The following HFM1 variants were observed in gnomAD, a reference collection of about 807,000 sequenced individuals.
The protein encoded by HFM1 is probable ATP-dependent DNA helicase HFM1.
Under a neutral mutation model 192.1 loss-of-function variants are expected in HFM1, and 169 were observed. The observed-to-expected ratio is 0.88, with a 90% CI of 0.78 to 1.00. HFM1 has a LOEUF of 1.00. Among genes scored for constraint, HFM1 ranks in the 50% least tolerant of loss-of-function variants. The pLI is 0.00. For synonymous variants in HFM1, 525 were observed against 537.8 expected (o/e 0.98, Z 0.33); for missense variants, 1,661 against 1,668.0 (o/e 1.00, Z 0.07).
rs1296434498 is a variant in HFM1, at chr1:91,343,439, T to G, written c.2326A>C (p.Lys776Gln). Reference sequence around the variant, plus strand: ...AATGATAAGAAATTACCAGTTGGTTTGAAATTAACACCTTCATCCATCTTT... The same window carrying G: ...AATGATAAGAAATTACCAGTTGGTTGGAAATTAACACCTTCATCCATCTTT... Reference protein sequence around the residue: ...LIKMDEGVNFKPTEAGRLMAW... With the variant: ...LIKMDEGVNFQPTEAGRLMAW... The change falls in exon 20 of 39, where the codon AAA (lysine) becomes CAA (glutamine). Residue 776 changes from lysine to glutamine, a missense_variant. Transcript: ENST00000370425. The G allele has an allele frequency of 7.2e-7, 1 of 1,393,676 alleles. No individual in the cohort carries two copies. Among genetic ancestry groups the G allele is most frequent in the East Asian group, 2.4e-5 (1 of 41,284 alleles). The allele number at this position is 1,393,676 out of a possible 1,614,324, so 86.3% of individuals were successfully genotyped here. A position where few individuals can be genotyped will look rare whatever the true frequency, so the allele number is the denominator to read the frequency against.
chr1:91,298,213 T>C (rs1279484133), intron 30 of HFM1, among the ~76,000 whole-genome samples: 4 of 151,922 alleles, frequency 2.6e-5, no homozygotes, highest in African/African-American at 9.7e-5. Flanking sequence ...ATTCATGAAA[T>C]GAAGCGAGAA....
At chr1:91,303,538 T>C (rs115184821) in intron 30 of HFM1, among the ~76,000 whole-genome samples, 1,916 of 152,332 alleles carry the variant, frequency 0.013, 44 homozygotes, top group African/African-American at 0.042. Context: ...AGGAGTACAA[T>C]TGCTGTATCA....
At chr1:91,329,274 G>A (rs778275453) in intron 20 of HFM1, 18 of 1,609,298 alleles carry the variant, frequency 1.1e-5, no homozygotes, top group South Asian at 3.3e-5. Flanking sequence ...GAAGTGGAGC[G>A]AGCCAAATGA....
intron 7 of HFM1, 113 bp downstream of exon 7, chr1:91,380,799 A>G (rs1661463079): frequency 1.5e-6 from 1 of 661,430 alleles, no homozygotes; most frequent in East Asian, 2.8e-5. Context: ...AATGTGCTAG[A>G]CATGGAGTGT....
chr1:91,393,242 CCATTCTTCT>C (rs1195229777), intron 4 of HFM1, among the ~76,000 whole-genome samples: 1 of 152,076 alleles, frequency 6.6e-6, no homozygotes, highest in African/African-American at 2.4e-5. Flanking sequence ...ATAATTTATT[CCATTCTTCT>C]CATTCTTGCT....
At chr1:91,322,915 AAAAG>A (rs1391536847) in intron 23 of HFM1, 31 bp downstream of exon 23, 1 of 1,048,464 alleles carries the variant, frequency 9.5e-7, no homozygotes, top group South Asian at 2.1e-5. Context: ...TAAAACCAAA[AAAAG>A]AAAACTTTCA....
At chr1:91,299,461 C>A (rs1648302035) in intron 30 of HFM1, among the ~76,000 whole-genome samples, 1 of 152,156 alleles carries the variant, frequency 6.6e-6, no homozygotes, top group Non-Finnish European at 1.5e-5. Context: ...AACTCTCCAC[C>A]CCAAATCAAC....
upstream of HFM1, among the ~76,000 whole-genome samples, chr1:91,405,614 A>C (rs978521622): frequency 2.0e-5 from 3 of 152,128 alleles, no homozygotes; most frequent in Non-Finnish European, 2.9e-5. Flanking sequence ...CCCAACCTTT[A>C]AGTCTTAATT....
intron 36 of HFM1, among the ~76,000 whole-genome samples, chr1:91,265,177 A>C (rs1665636548): frequency 6.6e-6 from 1 of 152,116 alleles, no homozygotes; most frequent in Non-Finnish European, 1.5e-5. Flanking sequence ...TCTGTGCTTA[A>C]ATATTTTGGA....
At chr1:91,354,053 C>T (rs1449880669) in intron 13 of HFM1, among the ~76,000 whole-genome samples, 1 of 151,358 alleles carries the variant, frequency 6.6e-6, no homozygotes, top group Non-Finnish European at 1.5e-5. Flanking sequence ...AAGTAATGAT[C>T]CTAAGAAAAC....
chr1:91,382,146 T>G (rs964273446), intron 6 of HFM1, among the ~76,000 whole-genome samples: 2 of 152,164 alleles, frequency 1.3e-5, no homozygotes, highest in Non-Finnish European at 2.9e-5. Flanking sequence ...TAGACTGTTA[T>G]TCCTTCCATA....
intron 36 of HFM1, among the ~76,000 whole-genome samples, chr1:91,265,101 G>A (rs1665626449): frequency 6.6e-6 from 1 of 152,154 alleles, no homozygotes; most frequent in African/African-American, 2.4e-5. Context: ...GCCTCTGGCA[G>A]TCCCACTCCC....
chr1:91,298,637 A>G (rs1020452300), intron 30 of HFM1, among the ~76,000 whole-genome samples: 14 of 152,204 alleles, frequency 9.2e-5, no homozygotes, highest in Non-Finnish European at 2.1e-4. Flanking sequence ...AATATTCAAC[A>G]TTCTTAAAGA....
chr1:91,358,991 A>G (rs1006259381), intron 13 of HFM1, among the ~76,000 whole-genome samples: 2 of 152,210 alleles, frequency 1.3e-5, no homozygotes, highest in Non-Finnish European at 2.9e-5. Flanking sequence ...TAGGGTTTGG[A>G]GCAGATCCCC....
At chr1:91,402,532 A>G (rs1664419730) in intron 1 of HFM1, among the ~76,000 whole-genome samples, 1 of 152,208 alleles carries the variant, frequency 6.6e-6, no homozygotes, top group African/African-American at 2.4e-5. Flanking sequence ...CGAAAAATAG[A>G]AGCCTAGGAT....
chr1:91,328,727 G>C, intron 20 of HFM1: 1 of 1,608,330 alleles, frequency 6.2e-7, no homozygotes, highest in Non-Finnish European at 8.5e-7. Context: ...GCAGGCTCAG[G>C]CTGCTGGGGC....
At chr1:91,359,553 CAAAAA>C (rs61520763) in intron 13 of HFM1, among the ~76,000 whole-genome samples, 2 of 136,164 alleles carry the variant, frequency 1.5e-5, no homozygotes, top group East Asian at 2.1e-4. Context: ...GACAAGAATA[CAAAAA>C]AAAAAAAAAA....
chr1:91,351,837 A>G (rs759465059), intron 16 of HFM1, among the ~76,000 whole-genome samples, 194 bp from the exon 17 acceptor site: 34 of 151,992 alleles, frequency 2.2e-4, no homozygotes, highest in Non-Finnish European at 3.8e-4. Flanking sequence ...ATAGCTGTAA[A>G]TATCACTTTG....
At chr1:91,261,481 G>T in intron 38 of HFM1, 122 bp from the exon 39 acceptor site, 3 of 448,754 alleles carry the variant, frequency 6.7e-6, no homozygotes, top group Non-Finnish European at 1.1e-5. Flanking sequence ...TGAAGTTAAT[G>T]TATCAAATAA....
Sources: gnomAD v4.1 joint callset for allele counts (sites outside exome capture counted in the v4.1 genomes callset) on GRCh38, gnomAD v4.1.1 for gene constraint, MANE v1.5 for transcripts, NCBI Gene and HGNC (gene_info 2026-07-23, HGNC 2026-07-21) for gene names.